ESR1: variants seen among roughly 807,000 people sequenced by gnomAD.
The protein encoded by ESR1 is estrogen receptor 1.
In ESR1, 12 loss-of-function variants were observed where a neutral mutation model predicts 52.7. The observed-to-expected ratio is 0.23, with a 90% CI of 0.15 to 0.37. The LOEUF (loss-of-function observed/expected upper bound fraction) is 0.37. Ranked by LOEUF, ESR1 falls within the 10% of genes least tolerant of loss-of-function variation. The pLI is 1.00. For missense variants in ESR1, 584 were observed against 779.7 expected (o/e 0.75, Z 2.99); for synonymous variants, 305 against 316.8 (o/e 0.96, Z 0.39).
At chr6:151,697,487 T>G (rs184484148) in intron 1 of ESR1, among the ~76,000 whole-genome samples, 1 of 152,194 alleles carries the variant, frequency 6.6e-6, no homozygotes, top group African/African-American at 2.4e-5. Context: ...TGATATAATT[T>G]TGAAAGGCAG....
intron 1 of ESR1, among the ~76,000 whole-genome samples, chr6:151,818,474 C>G (rs1408722662): frequency 2.6e-5 from 4 of 152,058 alleles, no homozygotes; most frequent in African/African-American, 9.7e-5. Flanking sequence ...AGAGTCCAAC[C>G]CTTTTCTAAG....
At chr6:151,665,558 T>C (rs889430424) in intron 1 of ESR1, among the ~76,000 whole-genome samples, 7 of 152,176 alleles carry the variant, frequency 4.6e-5, no homozygotes, top group African/African-American at 1.7e-4. Context: ...CAGCCTCCCA[T>C]CTGGGCAAGC....
rs66502837 is a variant in ESR1, at chr6:151,849,978, T to TTATATA, written c.643+7214_643+7219dup. On this transcript the variant is annotated intron_variant, in intron 2 of 7. Coordinates refer to ENST00000206249, the MANE Select transcript of ESR1 (RefSeq NM_000125.4). ...TCTTTCCACCTAGTTTCCTAGGGAATTATATATATATATATATATATATAT... is the reference window on the plus strand; with the variant it reads ...TCTTTCCACCTAGTTTCCTAGGGAATTATATATATATATATATATATATATATATAT... Among the ~76,000 whole-genome samples the TTATATA allele has an allele frequency of 9.7e-4, 82 of 84,122 alleles. 1 individual carries two copies. In the South Asian group the frequency reaches 0.011, roughly 11 times the overall value. 55.2% of individuals were successfully genotyped at this position (84,122 alleles called of 152,430 possible). A position where few individuals can be genotyped will look rare whatever the true frequency, so the allele number is the denominator to read the frequency against.
At chr6:152,003,394 A>G (rs2042104309) in intron 4 of ESR1, among the ~76,000 whole-genome samples, 1 of 150,642 alleles carries the variant, frequency 6.6e-6, no homozygotes. Flanking sequence ...ACATATTTTA[A>G]TGATTTATTT....
chr6:151,750,683 C>T (rs1783835112), intron 2 of ESR1, among the ~76,000 whole-genome samples: 1 of 151,900 alleles, frequency 6.6e-6, no homozygotes, highest in Non-Finnish European at 1.5e-5. Flanking sequence ...AAAACAAGAC[C>T]TTTTCAGACA....
At chr6:151,823,535 A>ATATG (rs751801086) in intron 1 of ESR1, among the ~76,000 whole-genome samples, 1 of 152,020 alleles carries the variant, frequency 6.6e-6, no homozygotes, top group Non-Finnish European at 1.5e-5. Flanking sequence ...GGTTTGTTAC[A>ATATG]TATGTATACA....
intron 1 of ESR1, among the ~76,000 whole-genome samples, chr6:151,669,591 T>G (rs1189619720): frequency 6.6e-6 from 1 of 152,124 alleles, no homozygotes; most frequent in Admixed American, 6.5e-5. Flanking sequence ...GGGTTGGCAC[T>G]TGCTTGCTGA....
chr6:151,754,721 T>A (rs1784150895), intron 2 of ESR1, among the ~76,000 whole-genome samples: 2 of 152,188 alleles, frequency 1.3e-5, no homozygotes, highest in Non-Finnish European at 2.9e-5. Context: ...GGTTGCTCCA[T>A]TTTTCCACAA....
intron 3 of ESR1, among the ~76,000 whole-genome samples, chr6:151,881,158 T>C (rs909088975): frequency 1.3e-5 from 2 of 152,216 alleles, no homozygotes; most frequent in African/African-American, 2.4e-5. Flanking sequence ...TTTCCCTAAA[T>C]TGAGACTTGT....
At chr6:151,691,837 T>C (rs1343057148) in intron 1 of ESR1, among the ~76,000 whole-genome samples, 1 of 152,216 alleles carries the variant, frequency 6.6e-6, no homozygotes, top group Non-Finnish European at 1.5e-5. Context: ...TCCCTTCCTA[T>C]TTCTCAAAAG....
intron 5 of ESR1, among the ~76,000 whole-genome samples, chr6:152,024,805 C>T (rs1483749552): frequency 6.8e-6 from 1 of 147,714 alleles, no homozygotes; most frequent in Non-Finnish European, 1.5e-5. Context: ...TATAAATATA[C>T]ATATATGTGT....
At chr6:151,854,937 G>T (rs557869567) in intron 2 of ESR1, among the ~76,000 whole-genome samples, 1 of 152,094 alleles carries the variant, frequency 6.6e-6, no homozygotes, top group Non-Finnish European at 1.5e-5. Context: ...ATTTAGAGAC[G>T]CAGTCTTTCT....
chr6:151,965,805 G>C (rs550161764), intron 4 of ESR1, among the ~76,000 whole-genome samples: 1 of 151,866 alleles, frequency 6.6e-6, no homozygotes, highest in South Asian at 2.1e-4. Context: ...TTGGCTAAAT[G>C]ATTGCTTTTA....
At chr6:152,110,866 G>A (rs1369031557) in intron 6 of ESR1, among the ~76,000 whole-genome samples, 2 of 152,088 alleles carry the variant, frequency 1.3e-5, no homozygotes, top group Admixed American at 1.3e-4. Flanking sequence ...CTTTCTGGTG[G>A]GCAGCCGTTG....
intron 2 of ESR1, among the ~76,000 whole-genome samples, chr6:151,785,455 A>G (rs149121784): frequency 9.8e-5 from 15 of 152,344 alleles, no homozygotes; most frequent in African/African-American, 2.9e-4. Context: ...TTATTATCCA[A>G]TGAATCCTGA....
intron 1 of ESR1, among the ~76,000 whole-genome samples, chr6:151,662,192 T>A (rs1777662178): frequency 6.6e-6 from 1 of 152,172 alleles, no homozygotes; most frequent in South Asian, 2.1e-4. Flanking sequence ...TATTTAGATA[T>A]TTTCACAATC....
intron 3 of ESR1, among the ~76,000 whole-genome samples, chr6:151,926,344 A>T (rs2032735929): frequency 6.6e-6 from 1 of 152,124 alleles, no homozygotes; most frequent in African/African-American, 2.4e-5. Flanking sequence ...CCCTTCTTTA[A>T]ACATGTTGGA....
intron 2 of ESR1, among the ~76,000 whole-genome samples, chr6:151,752,874 T>C (rs547664491): frequency 6.6e-6 from 1 of 152,224 alleles, no homozygotes; most frequent in Non-Finnish European, 1.5e-5. Context: ...CCAGAACTAC[T>C]AGGTTCTAAT....
intron 6 of ESR1, among the ~76,000 whole-genome samples, chr6:152,111,214 G>A (rs1435903452): frequency 6.6e-6 from 1 of 152,134 alleles, no homozygotes; most frequent in East Asian, 1.9e-4. Context: ...TGACAAACTA[G>A]GAACTGTCAC....
Sources: allele counts gnomAD v4.1 joint callset (sites outside exome capture counted in the v4.1 genomes callset), GRCh38; gene constraint gnomAD v4.1.1; transcripts MANE v1.5; gene names NCBI Gene and HGNC (gene_info 2026-07-23, HGNC 2026-07-21).